NIPAL2: variants seen among roughly 807,000 people sequenced by gnomAD.
The protein encoded by NIPAL2 is NIPA-like protein 2.
Under a neutral mutation model 48.9 loss-of-function variants are expected in NIPAL2, and 43 were observed. The observed-to-expected ratio is 0.88, with a 90% CI of 0.69 to 1.13. The LOEUF is 1.13. Among genes scored for constraint, NIPAL2 ranks in the 50% most tolerant of loss-of-function variants. NIPAL2 has a pLI of 0.00. For synonymous variants in NIPAL2, 167 were observed against 174.6 expected (o/e 0.96, Z 0.34); for missense variants, 446 against 461.4 (o/e 0.97, Z 0.31).
At chr8:98,232,807 A>G (rs1812502557) in intron 4 of NIPAL2, among the ~76,000 whole-genome samples, 1 of 152,194 alleles carries the variant, frequency 6.6e-6, no homozygotes, top group South Asian at 2.1e-4. Flanking sequence ...ATCATGTACT[A>G]GTTATATGAC....
chr8:98,193,982 T>C (rs1352378449), intron 10 of NIPAL2, among the ~76,000 whole-genome samples: 1 of 152,138 alleles, frequency 6.6e-6, no homozygotes, highest in African/African-American at 2.4e-5. Flanking sequence ...TATTTCTCAG[T>C]CTTAGGGATG....
At chr8:98,253,023 C>A (rs943619707) in intron 2 of NIPAL2, among the ~76,000 whole-genome samples, 2 of 152,034 alleles carry the variant, frequency 1.3e-5, no homozygotes, top group African/African-American at 4.8e-5. Context: ...TCCAACGTAT[C>A]CATGCTGCAG....
At chr8:98,258,491 G>A (rs1001735981) in intron 1 of NIPAL2, among the ~76,000 whole-genome samples, 2 of 152,142 alleles carry the variant, frequency 1.3e-5, no homozygotes, top group South Asian at 4.1e-4. Flanking sequence ...CTGGCCCAGG[G>A]TCAACAGTGT....
At chr8:98,236,090 T>G (rs1250436546) in intron 4 of NIPAL2, 65 bp downstream of exon 4, 1 of 1,138,422 alleles carries the variant, frequency 8.8e-7, no homozygotes, top group African/African-American at 1.6e-5. Flanking sequence ...ATATTTTTTA[T>G]GGATTGTATT....
intron 1 of NIPAL2, among the ~76,000 whole-genome samples, chr8:98,285,430 T>C (rs915959469): frequency 6.6e-6 from 1 of 152,186 alleles, no homozygotes; most frequent in Non-Finnish European, 1.5e-5. Flanking sequence ...GACATGGTCT[T>C]AACATCATCC....
chr8:98,255,486 C>A (rs917627872), intron 1 of NIPAL2, among the ~76,000 whole-genome samples: 4 of 152,046 alleles, frequency 2.6e-5, no homozygotes, highest in African/African-American at 9.7e-5. Context: ...ATTTTTGTAG[C>A]AATAAGACAC....
intron 1 of NIPAL2, among the ~76,000 whole-genome samples, chr8:98,288,913 C>T (rs971569426): frequency 2.8e-4 from 42 of 152,218 alleles, no homozygotes; most frequent in African/African-American, 1.0e-3. Context: ...TCTCTCTTCC[C>T]CAGAGGAATC....
intron 3 of NIPAL2, among the ~76,000 whole-genome samples, chr8:98,242,508 A>C (rs1315114266): frequency 3.7e-5 from 1 of 27,166 alleles, no homozygotes; most frequent in Non-Finnish European, 9.9e-5. Flanking sequence ...TTTTTTTTTT[A>C]ACTGAGCCTG....
chr8:98,269,102 A>G (rs1205081606), intron 1 of NIPAL2, among the ~76,000 whole-genome samples: 2 of 152,174 alleles, frequency 1.3e-5, no homozygotes, highest in South Asian at 2.1e-4. Flanking sequence ...TTCTCCTGCT[A>G]TTTCCACCAC....
Position 98,238,456 on chromosome 8 carries a change from CATA to C in NIPAL2, c.377-2245_377-2243del, listed in dbSNP as rs1325849685. Among the ~76,000 whole-genome samples, 7 of 152,240 alleles carry C rather than the reference CATA, an allele frequency of 4.6e-5. No homozygotes were observed. In the East Asian group the frequency reaches 1.2e-3, roughly 25 times the overall value. On this transcript the variant is annotated intron_variant, in intron 3 of 10. Transcript: ENST00000430223. ...CATGTCATCAAGAATTCTTCATAGA[CATA>C]ATTTTAATGTTGGTATAATAATCCA... is the stretch of plus-strand genomic sequence containing the variant.
chr8:98,226,836 T>C (rs1224395713), intron 4 of NIPAL2, among the ~76,000 whole-genome samples: 1 of 152,208 alleles, frequency 6.6e-6, no homozygotes, highest in African/African-American at 2.4e-5. Context: ...GCCAGGTTTG[T>C]GTCCTTCCCT....
At chr8:98,287,787 A>T (rs1247588293) in intron 1 of NIPAL2, among the ~76,000 whole-genome samples, 1 of 152,224 alleles carries the variant, frequency 6.6e-6, no homozygotes, top group African/African-American at 2.4e-5. Context: ...TTGGCAACAC[A>T]TCCAGTAAAG....
intron 1 of NIPAL2, among the ~76,000 whole-genome samples, chr8:98,276,931 G>A (rs1158049874): frequency 2.6e-5 from 4 of 151,728 alleles, no homozygotes; most frequent in South Asian, 2.1e-4. Flanking sequence ...CACCATGCTC[G>A]GCTAATTTTT....
Position 98,192,877 on chromosome 8 carries a change from A to G in NIPAL2, c.*101T>C. 1.4e-6 allele frequency: 1 copy of G among 733,620 alleles called. No individual in the cohort carries two copies. The highest frequency in any genetic ancestry group is 2.4e-6 in the Non-Finnish European group (1 of 412,926). 45.4% of individuals were successfully genotyped at this position (733,620 alleles called of 1,614,324 possible). A position where few individuals can be genotyped will look rare whatever the true frequency, so the allele number is the denominator to read the frequency against. On this transcript the variant is annotated 3_prime_UTR_variant, in exon 11 of 11. Transcript: ENST00000430223. ...GGAAAGGACTGAAATGAATGCTAGC[A>G]CATGTTAGCTTATAAAAGAGCTGCT...
intron 1 of NIPAL2, among the ~76,000 whole-genome samples, chr8:98,289,915 T>C (rs1816403760): frequency 6.6e-6 from 1 of 152,202 alleles, no homozygotes; most frequent in African/African-American, 2.4e-5. Context: ...GCAAAATTAA[T>C]AAAAGGGTAA....
chr8:98,274,229 T>C (rs1446802958), intron 1 of NIPAL2, among the ~76,000 whole-genome samples: 1 of 151,918 alleles, frequency 6.6e-6, no homozygotes, highest in Admixed American at 6.6e-5. Flanking sequence ...TAACATTATA[T>C]ATATATTCTA....
intron 4 of NIPAL2, among the ~76,000 whole-genome samples, chr8:98,230,772 C>T (rs986556661): frequency 6.6e-6 from 1 of 152,188 alleles, no homozygotes; most frequent in Admixed American, 6.5e-5. Flanking sequence ...TGTTCACTGG[C>T]ACCTCTAGCT....
chr8:98,241,140 G>C (rs1368342625), intron 3 of NIPAL2, among the ~76,000 whole-genome samples: 1 of 152,130 alleles, frequency 6.6e-6, no homozygotes, highest in Non-Finnish European at 1.5e-5. Context: ...TATGTGTGTA[G>C]GTATAACTGA....
chr8:98,252,658 T>C (rs1813659554), intron 2 of NIPAL2, 24 bp from the exon 3 acceptor site: 1 of 1,594,336 alleles, frequency 6.3e-7, no homozygotes, highest in Non-Finnish European at 8.5e-7. Context: ...AGAAGACAAA[T>C]AAGAAAACAT....
Sources: gnomAD v4.1 joint callset for allele counts (sites outside exome capture counted in the v4.1 genomes callset) on GRCh38, gnomAD v4.1.1 for gene constraint, MANE v1.5 for transcripts, NCBI Gene and HGNC (gene_info 2026-07-23, HGNC 2026-07-21) for gene names.